Variants in CCDC170 observed in about 807,000 individuals in gnomAD.
CCDC170 encodes coiled-coil domain containing 170, also known as coiled-coil domain-containing protein 170.
A neutral mutation model predicts 72.6 loss-of-function variants in CCDC170; 69 were observed. That is an observed-to-expected ratio of 0.95 (90% CI 0.78 to 1.16). CCDC170 has a LOEUF of 1.16. Among genes scored for constraint, CCDC170 ranks in the 50% most tolerant of loss-of-function variants. The pLI, the probability that CCDC170 is intolerant of heterozygous loss-of-function variation, is 0.00. For missense variants in CCDC170, 852 were observed against 832.5 expected (o/e 1.02, Z -0.29); for synonymous variants, 300 against 303.9 (o/e 0.99, Z 0.13).
intron 1 of CCDC170, among the ~76,000 whole-genome samples, chr6:151,505,244 A>G (rs1377866378): frequency 6.6e-6 from 1 of 152,104 alleles, no homozygotes; most frequent in Non-Finnish European, 1.5e-5. Flanking sequence ...TGGAGTGTTT[A>G]TGCCCACCAA....
chr6:151,524,984 G>A (rs749747985), intron 1 of CCDC170, among the ~76,000 whole-genome samples: 2 of 143,902 alleles, frequency 1.4e-5, no homozygotes, highest in Non-Finnish European at 3.0e-5. Flanking sequence ...CCAGGCTGGA[G>A]TGCAGTGGTG....
intron 3 of CCDC170, among the ~76,000 whole-genome samples, chr6:151,540,384 T>C (rs1389531365): frequency 8.9e-6 from 1 of 112,560 alleles, no homozygotes; most frequent in Non-Finnish European, 1.8e-5. Flanking sequence ...TTTTTTTTTT[T>C]TTTTTTTTTT....
chr6:151,574,557 T>C (rs1776274663), intron 6 of CCDC170, among the ~76,000 whole-genome samples: 1 of 152,168 alleles, frequency 6.6e-6, no homozygotes, highest in Non-Finnish European at 1.5e-5. Context: ...TCCACTGTGG[T>C]GTCTGGGACA....
At chr6:151,571,147 C>T (rs148852660) in intron 5 of CCDC170, among the ~76,000 whole-genome samples, 5 of 152,086 alleles carry the variant, frequency 3.3e-5, no homozygotes, top group Non-Finnish European at 7.4e-5. Flanking sequence ...TTCCTGTTTC[C>T]AAGCTGTTAA....
intron 9 of CCDC170, among the ~76,000 whole-genome samples, chr6:151,607,481 A>T (rs529365494): frequency 3.9e-5 from 6 of 152,030 alleles, no homozygotes; most frequent in African/African-American, 1.4e-4. Context: ...TTTAACTTTC[A>T]TGTGTTTTCA....
intron 3 of CCDC170, 117 bp from the exon 4 acceptor site, chr6:151,544,455 C>T: frequency 9.9e-7 from 1 of 1,007,840 alleles, no homozygotes; most frequent in Non-Finnish European, 1.4e-6. Context: ...GTCTGGGAAA[C>T]TGTGTTGTGT....
intron 1 of CCDC170, among the ~76,000 whole-genome samples, chr6:151,510,456 T>C (rs1453389816): frequency 1.3e-5 from 2 of 152,216 alleles, no homozygotes; most frequent in Admixed American, 6.5e-5. Flanking sequence ...AAATGTCATA[T>C]ATCAGTGAGG....
intron 8 of CCDC170, among the ~76,000 whole-genome samples, chr6:151,594,854 T>C (rs557742240): frequency 1.3e-5 from 2 of 152,278 alleles, no homozygotes; most frequent in Non-Finnish European, 2.9e-5. Context: ...TTTCTCCATA[T>C]TGGTCAGGCT....
rs1777036927 is a variant in CCDC170, at chr6:151,620,164, C to T, written c.*2017C>T. 3.7e-5 allele frequency: 4 copies of T among 109,072 alleles called. No homozygotes were observed. Among genetic ancestry groups the T allele is most frequent in the Non-Finnish European group, 5.6e-5 (3 of 53,882 alleles). 6.8% of individuals were successfully genotyped at this position (109,072 alleles called of 1,614,324 possible). On this transcript the variant is annotated 3_prime_UTR_variant, in exon 11 of 11. Coordinates refer to ENST00000239374, the MANE Select transcript of CCDC170 (RefSeq NM_025059.4). Reference sequence around the variant, plus strand: ...TGAAGATCTTCTTTTAGGAAAACTACCAATAAATGTAGAATGGATGATTCC... The same window carrying T: ...TGAAGATCTTCTTTTAGGAAAACTATCAATAAATGTAGAATGGATGATTCC...
chr6:151,562,521 C>A (rs186244013), intron 5 of CCDC170, among the ~76,000 whole-genome samples: 10 of 152,226 alleles, frequency 6.6e-5, no homozygotes, highest in African/African-American at 2.4e-4. Flanking sequence ...TGTGTGGTGG[C>A]TTTATCAGAC....
chr6:151,542,257 G>A (rs1007934994), intron 3 of CCDC170, among the ~76,000 whole-genome samples: 6 of 152,130 alleles, frequency 3.9e-5, no homozygotes, highest in Non-Finnish European at 7.4e-5. Context: ...TTTTCACTCT[G>A]CCACCCAGGC....
intron 1 of CCDC170, among the ~76,000 whole-genome samples, chr6:151,496,258 TCCC>T (rs1483578553): frequency 6.6e-6 from 1 of 152,216 alleles, no homozygotes; most frequent in Non-Finnish European, 1.5e-5. Flanking sequence ...ATTGGTGATG[TCCC>T]CAGCTGGTGG....
intron 1 of CCDC170, among the ~76,000 whole-genome samples, chr6:151,526,504 G>C (rs930308776): frequency 1.4e-5 from 2 of 146,128 alleles, no homozygotes; most frequent in Admixed American, 6.8e-5. Context: ...ACAGGCATGA[G>C]CCACCCCGCC....
At chr6:151,562,641 G>A (rs1309877695) in intron 5 of CCDC170, among the ~76,000 whole-genome samples, 1 of 152,156 alleles carries the variant, frequency 6.6e-6, no homozygotes, top group Non-Finnish European at 1.5e-5. Context: ...TAGGGCTGGG[G>A]GTGCAGAGTC....
intron 7 of CCDC170, among the ~76,000 whole-genome samples, chr6:151,590,569 G>A (rs890921024): frequency 2.6e-5 from 4 of 152,192 alleles, no homozygotes; most frequent in African/African-American, 9.7e-5. Context: ...CTAAATGCAG[G>A]TAATCTGGCA....
At chr6:151,508,496 C>A (rs889158532) in intron 1 of CCDC170, among the ~76,000 whole-genome samples, 5 of 152,092 alleles carry the variant, frequency 3.3e-5, no homozygotes, top group Non-Finnish European at 2.9e-5. Flanking sequence ...AAAGATCATG[C>A]CATTGCACTC....
rs1303329180 is a variant in CCDC170, at chr6:151,552,032, T to G, written c.774+3543T>G. On this transcript the variant is annotated intron_variant, in intron 5 of 10. Coordinates refer to ENST00000239374, the MANE Select transcript of CCDC170 (RefSeq NM_025059.4). ...ATTTGTTGATTAGTGTCAGGTTTTT[T>G]TTTTTTTTTTTGGTTGTTGTTGTTT... Among the ~76,000 whole-genome samples, 8 of 152,058 alleles carry G rather than the reference T, an allele frequency of 5.3e-5. No individual in the cohort carries two copies. In the East Asian group the frequency reaches 1.5e-3, roughly 29 times the overall value.
At position 151,573,753 on chromosome 6, in the gene CCDC170, C is replaced by G. The variant is rs563630823; in HGVS notation, c.1092+262C>G. ...AGAGAGAGTGTGCAGGGGAACTGCC[C>G]TTTATAAAACCATCAGATCTCCTGA... On this transcript the variant is annotated intron_variant, in intron 6 of 10. Transcript: ENST00000239374. Among the ~76,000 whole-genome samples, 5 of 152,228 alleles carry G rather than the reference C, an allele frequency of 3.3e-5. No homozygotes were observed. The South Asian group carries it at 8.3e-4, about 25-fold the overall frequency.
chr6:151,570,297 C>T (rs1397950309), intron 5 of CCDC170, among the ~76,000 whole-genome samples: 2 of 152,114 alleles, frequency 1.3e-5, no homozygotes. Flanking sequence ...TAATTTCCAT[C>T]CCAGCATCAT....
Sources: gnomAD v4.1 joint callset for allele counts (sites outside exome capture counted in the v4.1 genomes callset) on GRCh38, gnomAD v4.1.1 for gene constraint, MANE v1.5 for transcripts, NCBI Gene and HGNC (gene_info 2026-07-23, HGNC 2026-07-21) for gene names.